Variants in IFT81 observed in about 807,000 individuals in gnomAD.
IFT81 encodes the protein intraflagellar transport 81, also known as intraflagellar transport protein 81 homolog.
A neutral mutation model predicts 102.6 loss-of-function variants in IFT81; 72 were observed. The observed-to-expected ratio is 0.70, with a 90% CI of 0.58 to 0.85. IFT81 has a LOEUF of 0.85. IFT81 is among the 40% of genes least tolerant of loss of function. IFT81 has a pLI of 0.00. For synonymous variants in IFT81, 237 were observed against 242.7 expected, an observed-to-expected ratio of 0.98 and a Z score of 0.22; for missense variants, 723 against 787.3, an observed-to-expected ratio of 0.92 and a Z score of 0.98.
intron 11 of IFT81, among the ~76,000 whole-genome samples, chr12:110,179,773 TACACAC>T (rs34207126): frequency 1.0e-3 from 51 of 50,472 alleles, no homozygotes; most frequent in East Asian, 5.3e-3. Flanking sequence ...TATATATATA[TACACAC>T]ACACACACAC....
At chr12:110,133,073 T>G (rs1433772396) in intron 5 of IFT81, among the ~76,000 whole-genome samples, 2 of 150,536 alleles carry the variant, frequency 1.3e-5, no homozygotes, top group Non-Finnish European at 3.0e-5. Flanking sequence ...CAGGTTCAAA[T>G]GATCCACATG....
intron 9 of IFT81, among the ~76,000 whole-genome samples, chr12:110,145,898 C>T (rs1895200119): frequency 6.6e-6 from 1 of 152,028 alleles, no homozygotes. Context: ...GCAACCTCCA[C>T]CTCCTGGGTT....
At chr12:110,128,017 T>C in intron 2 of IFT81, 29 bp from the exon 3 acceptor site, 1 of 1,450,724 alleles carries the variant, frequency 6.9e-7, no homozygotes, top group South Asian at 1.1e-5. Context: ...TATACAACAA[T>C]AACATGTTTT....
At chr12:110,127,571 C>T in intron 2 of IFT81, 47 bp downstream of exon 2, 1 of 1,523,256 alleles carries the variant, frequency 6.6e-7, no homozygotes, top group Non-Finnish European at 8.8e-7. Flanking sequence ...AAGCCAATTT[C>T]TCCCTCTAAA....
chr12:110,209,208 C>A lies in IFT81; in HGVS notation c.1840C>A (p.Leu614Ile). ...CAAAAATACTGCTGAACAAGAAAACCTTGGAAAGGTAAGAATTATTATTTA... is the reference window on the plus strand; with the variant it reads ...CAAAAATACTGCTGAACAAGAAAACATTGGAAAGGTAAGAATTATTATTTA... ...YTKNTAEQENLGKKLREKQKV... is the reference protein window; with the variant it reads ...YTKNTAEQENIGKKLREKQKV... The change falls in exon 18 of 19, where the codon CTT becomes ATT. Residue 614 changes from leucine (L) to isoleucine (I), a missense_variant. Transcript: ENST00000242591. The A allele has an allele frequency of 6.5e-7, 1 of 1,532,340 alleles. No homozygotes were observed. The highest frequency in any genetic ancestry group is 9.0e-7 in the Non-Finnish European group (1 of 1,110,206). The allele number at this position is 1,532,340 out of a possible 1,614,324, so 94.9% of individuals were successfully genotyped here.
At chr12:110,152,355 T>C (rs1012622284) in intron 10 of IFT81, among the ~76,000 whole-genome samples, 5 of 152,210 alleles carry the variant, frequency 3.3e-5, no homozygotes, top group African/African-American at 1.2e-4. Flanking sequence ...TTCTAACAGT[T>C]GTGAGGTGAT....
intron 15 of IFT81, 54 bp downstream of exon 15, chr12:110,204,004 C>T (rs1898440965): frequency 4.5e-6 from 5 of 1,105,842 alleles, no homozygotes; most frequent in Non-Finnish European, 6.7e-6. Flanking sequence ...TGTGTGTACA[C>T]CTGTAGTCCC....
chr12:110,147,830 TAAC>T (rs1475251411), intron 10 of IFT81, among the ~76,000 whole-genome samples: 1 of 152,234 alleles, frequency 6.6e-6, no homozygotes, highest in Non-Finnish European at 1.5e-5. Flanking sequence ...GACTTCATCA[TAAC>T]ATTTCATCTA....
chr12:110,132,963 T>C (rs1239973557), intron 5 of IFT81, among the ~76,000 whole-genome samples: 1 of 142,972 alleles, frequency 7.0e-6, no homozygotes, highest in Non-Finnish European at 1.5e-5. Flanking sequence ...ACTAAAGCTT[T>C]CTCTCTCTTT....
At chr12:110,214,677 C>G (rs1308772827) in intron 18 of IFT81, among the ~76,000 whole-genome samples, 1 of 152,160 alleles carries the variant, frequency 6.6e-6, no homozygotes, top group Non-Finnish European at 1.5e-5. Flanking sequence ...TTAAAGGTTT[C>G]AAACACACAT....
At chr12:110,130,272 TAGAG>T (rs1894084479) in intron 4 of IFT81, among the ~76,000 whole-genome samples, 1 of 152,036 alleles carries the variant, frequency 6.6e-6, no homozygotes, top group Non-Finnish European at 1.5e-5. Context: ...ATGTGGGAAA[TAGAG>T]AAGTGTAAAT....
intron 11 of IFT81, among the ~76,000 whole-genome samples, chr12:110,179,773 T>TATATAC (rs774113734): frequency 3.2e-4 from 16 of 50,442 alleles, no homozygotes; most frequent in Admixed American, 7.0e-4. Context: ...TATATATATA[T>TATATAC]ACACACACAC....
intron 10 of IFT81, 144 bp downstream of exon 10, chr12:110,147,192 A>C: frequency 1.9e-6 from 1 of 537,866 alleles, no homozygotes; most frequent in Non-Finnish European, 3.0e-6. Context: ...TATATCAAAG[A>C]ATTAGTGGAA....
At chr12:110,188,601 A>C (rs888270962) in intron 12 of IFT81, among the ~76,000 whole-genome samples, 4 of 151,174 alleles carry the variant, frequency 2.6e-5, no homozygotes, top group African/African-American at 9.7e-5. Flanking sequence ...TCTCTTCAAT[A>C]CAGTTTTCGC....
intron 12 of IFT81, among the ~76,000 whole-genome samples, chr12:110,186,839 C>T (rs1199099405): frequency 6.6e-6 from 1 of 152,164 alleles, no homozygotes; most frequent in Non-Finnish European, 1.5e-5. Context: ...AGTATTTCTT[C>T]AATTATTACT....
chr12:110,129,868 A>G (rs951532503), intron 4 of IFT81, among the ~76,000 whole-genome samples: 1 of 151,332 alleles, frequency 6.6e-6, no homozygotes, highest in Non-Finnish European at 1.5e-5. Flanking sequence ...GCTTCTGTTT[A>G]GTGTTTCACA....
chr12:110,180,961 T>G (rs1897298505), intron 12 of IFT81, among the ~76,000 whole-genome samples: 1 of 152,226 alleles, frequency 6.6e-6, no homozygotes, highest in South Asian at 2.1e-4. Context: ...GGAAGTGCTG[T>G]GTGGAAGTCT....
intron 10 of IFT81, among the ~76,000 whole-genome samples, chr12:110,156,824 G>T (rs1029543784): frequency 6.6e-6 from 1 of 152,030 alleles, no homozygotes; most frequent in African/African-American, 2.4e-5. Context: ...GGACAGTTTT[G>T]CCAGATATAT....
chr12:110,208,244 C>T (rs1157578671), intron 17 of IFT81, among the ~76,000 whole-genome samples: 2 of 152,106 alleles, frequency 1.3e-5, no homozygotes, highest in Non-Finnish European at 2.9e-5. Flanking sequence ...TGGCTCACAC[C>T]TGTAATCCTA....
Sources: gnomAD v4.1 joint callset for allele counts (sites outside exome capture counted in the v4.1 genomes callset) on GRCh38, gnomAD v4.1.1 for gene constraint, MANE v1.5 for transcripts, NCBI Gene and HGNC (gene_info 2026-07-23, HGNC 2026-07-21) for gene names.